CEP350: variants seen among roughly 807,000 people sequenced by gnomAD.
CEP350 encodes the protein centrosome-associated protein 350.
A neutral mutation model predicts 331.8 loss-of-function variants in CEP350; 126 were observed. That is an observed-to-expected ratio of 0.38 (90% CI 0.33 to 0.44). The LOEUF is 0.44. CEP350 is among the 20% of genes least tolerant of loss of function. The probability of loss-of-function intolerance (pLI) is 1.00; values close to 1 mark genes in which losing one functional copy is unlikely to be tolerated. For missense variants in CEP350, 3,406 were observed against 3,634.6 expected (o/e 0.94, Z 1.62); for synonymous variants, 1,200 against 1,259.5 (o/e 0.95, Z 1.00).
intron 31 of CEP350, among the ~76,000 whole-genome samples, chr1:180,086,086 C>T (rs1200836946): frequency 2.0e-5 from 3 of 152,104 alleles, no homozygotes; most frequent in Admixed American, 6.6e-5. Context: ...GTCTTCCACA[C>T]AGAAAATAGG....
chr1:180,016,203 TG>T (rs928041626), intron 11 of CEP350, among the ~76,000 whole-genome samples: 3 of 152,364 alleles, frequency 2.0e-5, no homozygotes, highest in African/African-American at 7.2e-5. Flanking sequence ...CTTTTACAGT[TG>T]GAAGCACTCT....
intron 1 of CEP350, among the ~76,000 whole-genome samples, chr1:179,974,189 C>G (rs184675949): frequency 1.0e-3 from 153 of 152,188 alleles, no homozygotes; most frequent in African/African-American, 3.6e-3. Context: ...ATGCCATTCT[C>G]CTGCCTCAGC....
Position 180,034,017 on chromosome 1 carries a change from C to T in CEP350, c.3881C>T (p.Ala1294Val). Residue 1294 changes from alanine (A) to valine (V), a missense_variant, in exon 16 of 38, where the codon GCA becomes GTA. Around this residue, in one of 5 missense-constraint regions of CEP350, gnomAD observed 1,857 missense variants for 1,909.2 expected, o/e 0.97. Transcript: ENST00000367607. ...ACTATAACAGGATTTAAGCCTAATGCACCTCTCACTGATCTGAACCCGGCA... is the reference window on the plus strand; with the variant it reads ...ACTATAACAGGATTTAAGCCTAATGTACCTCTCACTGATCTGAACCCGGCA... The part of the protein sequence containing the change: ...PPTITGFKPN[A>V]PLTDLNPAAS... The T allele has an allele frequency of 1.9e-6, 3 of 1,613,868 alleles. No homozygotes were observed. Among genetic ancestry groups the T allele is most frequent in the Non-Finnish European group, 1.7e-6 (2 of 1,179,806 alleles).
At chr1:180,051,823 A>G (rs1657519932) in intron 22 of CEP350, among the ~76,000 whole-genome samples, 1 of 152,250 alleles carries the variant, frequency 6.6e-6, no homozygotes, top group Admixed American at 6.5e-5. Flanking sequence ...GGAACGGTAC[A>G]TAAACCTATA....
At chr1:179,959,526 G>A (rs181593258) in intron 1 of CEP350, among the ~76,000 whole-genome samples, 16 of 151,566 alleles carry the variant, frequency 1.1e-4, no homozygotes, top group Admixed American at 3.3e-4. Context: ...AGGCTGAGGC[G>A]GGCAGATCAC....
chr1:179,960,381 A>T (rs921239990), intron 1 of CEP350, among the ~76,000 whole-genome samples: 9 of 152,176 alleles, frequency 5.9e-5, no homozygotes, highest in African/African-American at 2.2e-4. Context: ...TCTCATCAAA[A>T]TTGTGAAGAA....
chr1:180,110,066 AGTATT>A (rs1179294432), intron 37 of CEP350, among the ~76,000 whole-genome samples: 1 of 152,272 alleles, frequency 6.6e-6, no homozygotes, highest in African/African-American at 2.4e-5. Context: ...ATGCAAAAAT[AGTATT>A]GTATTAATAT....
intron 14 of CEP350, among the ~76,000 whole-genome samples, chr1:180,028,128 T>C (rs1280530565): frequency 6.6e-6 from 1 of 152,164 alleles, no homozygotes; most frequent in Non-Finnish European, 1.5e-5. Flanking sequence ...ATAAAAGAGC[T>C]CCATGGTTCC....
At position 180,044,163 on chromosome 1, in the gene CEP350, C is replaced by A; in HGVS notation, c.4612C>A (p.His1538Asn). The change falls in exon 21 of 38, where the codon CAT becomes AAT. Residue 1538 changes from histidine to asparagine, a missense_variant. Physicochemically the swap from His to Asn is moderately conservative, Grantham distance 68 (BLOSUM62 1). Transcript: ENST00000367607. ...SYSESSGYKNHDRRSSSGSSR... is the reference protein window; with the variant it reads ...SYSESSGYKNNDRRSSSGSSR... ...TTCTGAGTCTTCAGGATACAAGAAT[C>A]ATGATAGAAGGTGAAGACAATTTGA... 6.4e-7 allele frequency: 1 copy of A among 1,564,952 alleles called. No homozygotes were observed. Among genetic ancestry groups the A allele is most frequent in the South Asian group, 1.2e-5 (1 of 83,562 alleles).
chr1:180,101,235 C>T (rs764322907), intron 37 of CEP350, among the ~76,000 whole-genome samples: 4 of 151,902 alleles, frequency 2.6e-5, no homozygotes, highest in African/African-American at 9.7e-5. Context: ...TTTTAGCTTC[C>T]TACAGAGAGA....
chr1:179,981,979 A>G (rs2477113), intron 1 of CEP350, among the ~76,000 whole-genome samples: 109,500 of 152,108 alleles, frequency 0.72, 40,473 homozygotes, highest in Admixed American at 0.8. Flanking sequence ...CAGCCTGGGT[A>G]ACAGAGTGAC....
intron 3 of CEP350, 111 bp from the exon 4 acceptor site, chr1:179,990,396 T>C (rs1558082527): frequency 2.2e-6 from 1 of 456,718 alleles, no homozygotes; most frequent in Non-Finnish European, 3.8e-6. Context: ...AGTTTTTTTC[T>C]ACTTTGGAAA....
intron 8 of CEP350, among the ~76,000 whole-genome samples, chr1:180,009,306 G>A (rs1654467929): frequency 6.6e-6 from 1 of 152,210 alleles, no homozygotes; most frequent in Non-Finnish European, 1.5e-5. Flanking sequence ...CACTCACCCA[G>A]GCAATAATTA....
intron 8 of CEP350, among the ~76,000 whole-genome samples, chr1:180,009,007 A>G (rs548725940): frequency 9.1e-4 from 139 of 152,318 alleles, no homozygotes; most frequent in African/African-American, 3.2e-3. Context: ...AGCATTAACA[A>G]TTACATTTTA....
chr1:179,982,703 A>G (rs1371494838), intron 1 of CEP350, among the ~76,000 whole-genome samples: 1 of 152,214 alleles, frequency 6.6e-6, no homozygotes, highest in Non-Finnish European at 1.5e-5. Context: ...TTTTTTGTCT[A>G]ATCATTGACA....
At chr1:179,986,110 T>G (rs1441153505) in intron 1 of CEP350, 59 bp from the exon 2 acceptor site, 91 of 1,351,690 alleles carry the variant, frequency 6.7e-5, no homozygotes, top group Non-Finnish European at 9.2e-5. Context: ...ATGATTTATT[T>G]TTCTAAGGAA....
At chr1:180,036,049 T>G (rs1656333958) in intron 16 of CEP350, among the ~76,000 whole-genome samples, 1 of 152,212 alleles carries the variant, frequency 6.6e-6, no homozygotes, top group African/African-American at 2.4e-5. Flanking sequence ...AAGAAGTTGA[T>G]TCCAGCCCTC....
rs1661536391 is a variant in CEP350, at chr1:180,113,130, A to G, written c.*1969A>G. Reference sequence around the variant, plus strand: ...TAGTTTTATGTGGCCAAGGAAAAGCAAAGGCTTTTCTTTTCAGTTTGTGTT... The same window carrying G: ...TAGTTTTATGTGGCCAAGGAAAAGCGAAGGCTTTTCTTTTCAGTTTGTGTT... On this transcript the variant is annotated 3_prime_UTR_variant, in exon 38 of 38. Coordinates refer to ENST00000367607, the MANE Select transcript of CEP350 (RefSeq NM_014810.5). The G allele has an allele frequency of 6.6e-6, 1 of 152,644 alleles. No individual in the cohort carries two copies. The highest frequency in any genetic ancestry group is 2.1e-4 in the South Asian group (1 of 4,828). The allele number at this position is 152,644 out of a possible 1,614,324, so 9.5% of individuals were successfully genotyped here. A position where few individuals can be genotyped will look rare whatever the true frequency, so the allele number is the denominator to read the frequency against.
intron 6 of CEP350, among the ~76,000 whole-genome samples, chr1:179,998,303 C>CT (rs763257368): frequency 2.3e-3 from 258 of 112,060 alleles, no homozygotes; most frequent in South Asian, 6.8e-3. Flanking sequence ...CTTCTATTTT[C>CT]TTTTTTTTTT....
Sources: allele counts gnomAD v4.1 joint callset (sites outside exome capture counted in the v4.1 genomes callset), GRCh38; gene constraint gnomAD v4.1.1; regional missense constraint gnomAD v4.1.1; transcripts MANE v1.5; gene names NCBI Gene and HGNC (gene_info 2026-07-23, HGNC 2026-07-21).